ANK2: variants seen among roughly 807,000 people sequenced by gnomAD.
ANK2 encodes ankyrin 2, also known as ankyrin-2.
In ANK2, 83 loss-of-function variants were observed where a neutral mutation model predicts 360.5. The observed-to-expected ratio is 0.23, with a 90% CI of 0.19 to 0.28. ANK2 has a LOEUF of 0.28. Among genes scored for constraint, ANK2 ranks in the 10% least tolerant of loss-of-function variants. ANK2 has a pLI of 1.00. For synonymous variants in ANK2, 1,740 were observed against 1,759.5 expected, an observed-to-expected ratio of 0.99 and a Z score of 0.28; for missense variants, 4,201 against 4,795.7, an observed-to-expected ratio of 0.88 and a Z score of 3.66.
intron 4 of ANK2, among the ~76,000 whole-genome samples, chr4:113,213,214 A>G (rs569044711): frequency 1.3e-5 from 2 of 152,364 alleles, no homozygotes; most frequent in East Asian, 3.9e-4. Context: ...TCTAAATGGA[A>G]TATCACAAAC....
chr4:112,844,709 C>A (rs1313625329), intron 1 of ANK2, among the ~76,000 whole-genome samples: 1 of 152,160 alleles, frequency 6.6e-6, no homozygotes, highest in Admixed American at 6.5e-5. Context: ...GAGCCTAGTT[C>A]TTAAAAATAT....
intron 4 of ANK2, among the ~76,000 whole-genome samples, chr4:113,201,301 A>G (rs1038917573): frequency 1.3e-5 from 2 of 152,152 alleles, no homozygotes; most frequent in Admixed American, 6.5e-5. Context: ...GTTGAAACCC[A>G]TGTTTCTAGG....
intron 43 of ANK2, chr4:113,372,563 G>T: frequency 6.5e-7 from 1 of 1,535,458 alleles, no homozygotes; most frequent in East Asian, 2.4e-5. Flanking sequence ...GGAGCTGGAG[G>T]CCAGCTCAGA....
chr4:113,014,383 C>T (rs952139458), intron 2 of ANK2, among the ~76,000 whole-genome samples: 2 of 152,152 alleles, frequency 1.3e-5, no homozygotes, highest in South Asian at 4.2e-4. Flanking sequence ...TTGCGATAAC[C>T]CTAGGAGGAT....
chr4:113,236,761 G>A (rs1236782254), intron 5 of ANK2, among the ~76,000 whole-genome samples: 1 of 152,088 alleles, frequency 6.6e-6, no homozygotes, highest in South Asian at 2.1e-4. Flanking sequence ...TAAGGAATGC[G>A]GATGTTTTTC....
chr4:112,725,578 T>A, the ANK2 span, among the ~76,000 whole-genome samples: 1 of 152,010 alleles, frequency 6.6e-6, no homozygotes, highest in South Asian at 2.1e-4. Flanking sequence ...TAGGCTGGTC[T>A]TGAACTCCTG....
At chr4:113,097,840 ATGTG>A (rs541314094) in intron 1 of ANK2, among the ~76,000 whole-genome samples, 16 of 16,408 alleles carry the variant, frequency 9.8e-4, no homozygotes, top group South Asian at 1.8e-3. Flanking sequence ...TTGTATATAT[ATGTG>A]TGTGTGTGTG....
intron 1 of ANK2, among the ~76,000 whole-genome samples, chr4:113,118,440 A>G (rs1471333411): frequency 2.0e-5 from 3 of 152,090 alleles, no homozygotes; most frequent in Admixed American, 1.3e-4. Flanking sequence ...TTACCTTTCA[A>G]TTTGGGGGAT....
At chr4:113,334,235 T>A (rs1304615942) in intron 29 of ANK2, among the ~76,000 whole-genome samples, 1 of 152,032 alleles carries the variant, frequency 6.6e-6, no homozygotes, top group Non-Finnish European at 1.5e-5. Context: ...ATCCAAGGGG[T>A]GGATGGAGGA....
intron 2 of ANK2, among the ~76,000 whole-genome samples, chr4:113,186,587 T>TCTCTCTCTCTCTC (rs370477795): frequency 8.5e-5 from 4 of 46,856 alleles, no homozygotes; most frequent in African/African-American, 4.4e-4. Context: ...TCTCTCTCTC[T>TCTCTCTCTCTCTC]TCTCTCTCTC....
chr4:113,033,488 A>T lies in ANK2; in HGVS notation c.21+128974A>T, dbSNP rs147466979. The stretch of plus-strand genomic sequence containing the variant: ...CAGAGAAATACCCAAACAAAACAAA[A>T]CTCGTCACACATCAAATGATAAGTT... On this transcript the variant is annotated intron_variant, in intron 2 of 30. Coordinates refer to the ANK2 transcript ENST00000503271. Among the ~76,000 whole-genome samples the T allele has an allele frequency of 4.1e-3, 621 of 151,818 alleles. 3 individuals are homozygous for T. The highest frequency in any genetic ancestry group is 0.014 in the African/African-American group (580 of 41,440).
At chr4:112,952,329 CTTGT>C (rs899861797) in intron 2 of ANK2, among the ~76,000 whole-genome samples, 1 of 152,168 alleles carries the variant, frequency 6.6e-6, no homozygotes, top group African/African-American at 2.4e-5. Context: ...TTTAATATAA[CTTGT>C]TTGACTATAA....
intron 2 of ANK2, among the ~76,000 whole-genome samples, chr4:113,178,117 C>T (rs2098283234): frequency 6.6e-6 from 1 of 152,186 alleles, no homozygotes; most frequent in South Asian, 2.1e-4. Flanking sequence ...TGTGGTGGCT[C>T]ACACCTGTAA....
intron 1 of ANK2, among the ~76,000 whole-genome samples, chr4:113,100,239 G>A (rs187342599): frequency 1.2e-4 from 18 of 152,154 alleles, no homozygotes; most frequent in Admixed American, 7.9e-4. Flanking sequence ...CTGATAAATT[G>A]TAGCCATTAT....
chr4:113,084,514 A>G (rs527259210), intron 1 of ANK2, among the ~76,000 whole-genome samples: 1 of 152,386 alleles, frequency 6.6e-6, no homozygotes, highest in Admixed American at 6.5e-5. Flanking sequence ...AGGAGATGTT[A>G]TAGCATCAAG....
At chr4:112,824,523 T>A (rs1317183817) in intron 1 of ANK2, among the ~76,000 whole-genome samples, 1 of 117,494 alleles carries the variant, frequency 8.5e-6, no homozygotes, top group South Asian at 2.9e-4. Context: ...TTTTTTTTTT[T>A]AGACGGAGTC....
upstream of ANK2, among the ~76,000 whole-genome samples, chr4:113,046,577 G>C (rs1437801222): frequency 6.6e-6 from 1 of 152,074 alleles, no homozygotes; most frequent in Admixed American, 6.6e-5. Flanking sequence ...TGTGAGGAGA[G>C]TGTTCAATAT....
chr4:112,809,053 T>C, the ANK2 span, among the ~76,000 whole-genome samples: 1 of 151,610 alleles, frequency 6.6e-6, no homozygotes, highest in Non-Finnish European at 1.5e-5. Flanking sequence ...GAGACGGCAT[T>C]TCACCACATT....
chr4:113,166,655 C>T (rs1418450572), intron 1 of ANK2, among the ~76,000 whole-genome samples: 2 of 151,662 alleles, frequency 1.3e-5, no homozygotes, highest in African/African-American at 2.4e-5. Flanking sequence ...GATAGCATCA[C>T]ATTATTAATA....
Sources: gnomAD v4.1 joint callset for allele counts (sites outside exome capture counted in the v4.1 genomes callset) on GRCh38, gnomAD v4.1.1 for gene constraint, MANE v1.5 for transcripts, NCBI Gene and HGNC (gene_info 2026-07-23, HGNC 2026-07-21) for gene names.